Variants in AKAP6 observed in about 807,000 individuals in gnomAD.
AKAP6 encodes A-kinase anchor protein 6.
In AKAP6, 58 loss-of-function variants were observed where a neutral mutation model predicts 188.5. The ratio of observed to expected loss-of-function variants is 0.31; its 90% CI spans 0.25 to 0.38. AKAP6 has a LOEUF of 0.38. Among genes scored for constraint, AKAP6 ranks in the 10% least tolerant of loss-of-function variants. The probability of loss-of-function intolerance (pLI) is 1.00; values close to 1 mark genes in which losing one functional copy is unlikely to be tolerated. For missense variants in AKAP6, 2,710 were observed against 2,740.0 expected, an observed-to-expected ratio of 0.99 and a Z score of 0.24; for synonymous variants, 989 against 998.6, an observed-to-expected ratio of 0.99 and a Z score of 0.18.
chr14:32,769,389 C>G (rs1185777590), intron 11 of AKAP6, among the ~76,000 whole-genome samples: 1 of 151,960 alleles, frequency 6.6e-6, no homozygotes, highest in Non-Finnish European at 1.5e-5. Context: ...TGTGTTTGTT[C>G]ACACTTCCCT....
At chr14:32,811,506 C>A (rs1433828821) in intron 12 of AKAP6, among the ~76,000 whole-genome samples, 2 of 152,024 alleles carry the variant, frequency 1.3e-5, no homozygotes. Flanking sequence ...AAAATATGTT[C>A]CCATGGTTAG....
At chr14:32,657,208 T>C (rs1475359441) in intron 7 of AKAP6, among the ~76,000 whole-genome samples, 1 of 152,156 alleles carries the variant, frequency 6.6e-6, no homozygotes, top group African/African-American at 2.4e-5. Flanking sequence ...GGGTATGGCT[T>C]TGCAAACCCA....
chr14:32,537,218 A>G (rs1239912432), intron 3 of AKAP6, among the ~76,000 whole-genome samples: 6 of 152,228 alleles, frequency 3.9e-5, no homozygotes, highest in African/African-American at 1.4e-4. Context: ...ATCAAAATCG[A>G]CTAGGCTTAC....
At chr14:32,571,087 T>C (rs1884462030) in intron 4 of AKAP6, among the ~76,000 whole-genome samples, 1 of 152,176 alleles carries the variant, frequency 6.6e-6, no homozygotes, top group African/African-American at 2.4e-5. Flanking sequence ...ACTTAAATGA[T>C]CTACTTGTAC....
At chr14:32,743,032 T>C (rs1157871484) in intron 11 of AKAP6, among the ~76,000 whole-genome samples, 1 of 152,168 alleles carries the variant, frequency 6.6e-6, no homozygotes, top group African/African-American at 2.4e-5. Context: ...TAATATTTGC[T>C]TTATTGATCT....
intron 2 of AKAP6, among the ~76,000 whole-genome samples, chr14:32,524,338 T>C (rs180706226): frequency 2.0e-5 from 3 of 152,074 alleles, no homozygotes; most frequent in Admixed American, 1.3e-4. Context: ...AGTTCTGGGG[T>C]GGGGATGGCT....
intron 7 of AKAP6, among the ~76,000 whole-genome samples, chr14:32,657,738 T>C (rs1031344718): frequency 3.0e-4 from 46 of 152,044 alleles, no homozygotes; most frequent in African/African-American, 1.0e-3. Context: ...CATAATTTTA[T>C]CATGTCTTGG....
At chr14:32,794,170 G>A (rs1364795142) in intron 12 of AKAP6, among the ~76,000 whole-genome samples, 2 of 152,042 alleles carry the variant, frequency 1.3e-5, no homozygotes, top group African/African-American at 4.8e-5. Flanking sequence ...CCACAGCACT[G>A]TCAAATTGAG....
intron 9 of AKAP6, among the ~76,000 whole-genome samples, chr14:32,708,648 A>G (rs1890913496): frequency 1.3e-5 from 2 of 151,952 alleles, no homozygotes; most frequent in Admixed American, 1.3e-4. Context: ...TTTTTTACTT[A>G]GTGATTAATT....
intron 11 of AKAP6, among the ~76,000 whole-genome samples, chr14:32,747,008 A>G (rs974027943): frequency 5.3e-5 from 8 of 152,184 alleles, no homozygotes; most frequent in African/African-American, 1.9e-4. Flanking sequence ...AGTATCACTG[A>G]TTTACTTTTA....
At chr14:32,412,467 A>G (rs975518570) in intron 1 of AKAP6, among the ~76,000 whole-genome samples, 1 of 152,248 alleles carries the variant, frequency 6.6e-6, no homozygotes, top group Admixed American at 6.5e-5. Context: ...ATTTTGGTAC[A>G]TAATATTGAC....
intron 7 of AKAP6, among the ~76,000 whole-genome samples, chr14:32,643,622 C>T (rs1371039772): frequency 2.6e-5 from 4 of 152,072 alleles, no homozygotes; most frequent in African/African-American, 9.7e-5. Flanking sequence ...TTCTTTATCA[C>T]CTGCTTTTCT....
intron 7 of AKAP6, among the ~76,000 whole-genome samples, chr14:32,673,349 A>G (rs1889298168): frequency 6.6e-6 from 1 of 152,190 alleles, no homozygotes; most frequent in South Asian, 2.1e-4. Flanking sequence ...GTGCCTCAGG[A>G]GAAGTAACTA....
At chr14:32,421,616 G>A (rs750361255) in intron 1 of AKAP6, among the ~76,000 whole-genome samples, 1 of 151,748 alleles carries the variant, frequency 6.6e-6, no homozygotes, top group Non-Finnish European at 1.5e-5. Flanking sequence ...TGAGATTTTT[G>A]TTGCTTGCTG....
rs1268050986 is a variant in AKAP6, at chr14:32,836,424, G to C, written c.*6619G>C. Reference sequence around the variant, plus strand: ...TTCACAACTTAATCACCTCCCAAAGGCTCCATCTCTTAATACGATCACATT... The same window carrying C: ...TTCACAACTTAATCACCTCCCAAAGCCTCCATCTCTTAATACGATCACATT... On this transcript the variant is annotated 3_prime_UTR_variant, in exon 14 of 14. Coordinates refer to ENST00000280979, the MANE Select transcript of AKAP6 (RefSeq NM_004274.5). The C allele has an allele frequency of 6.6e-6, 1 of 152,028 alleles. No individual in the cohort carries two copies. The highest frequency in any genetic ancestry group is 1.5e-5 in the Non-Finnish European group (1 of 68,038). The allele number at this position is 152,028 out of a possible 1,614,324, so 9.4% of individuals were successfully genotyped here.
intron 11 of AKAP6, among the ~76,000 whole-genome samples, chr14:32,767,818 G>A (rs1196525754): frequency 1.3e-5 from 2 of 152,024 alleles, no homozygotes; most frequent in Non-Finnish European, 2.9e-5. Flanking sequence ...CCATAGTTTA[G>A]CATATATATC....
intron 7 of AKAP6, among the ~76,000 whole-genome samples, chr14:32,619,996 G>A (rs1886747265): frequency 6.6e-6 from 1 of 152,092 alleles, no homozygotes; most frequent in African/African-American, 2.4e-5. Context: ...CATTGTTGGT[G>A]TATAGTGGTG....
chr14:32,647,358 A>T (rs573779401), intron 7 of AKAP6, among the ~76,000 whole-genome samples: 8 of 152,152 alleles, frequency 5.3e-5, no homozygotes, highest in African/African-American at 1.9e-4. Context: ...CTCCTTAGGC[A>T]TTGTTTCCAT....
intron 9 of AKAP6, among the ~76,000 whole-genome samples, chr14:32,710,648 T>G (rs1891013279): frequency 6.6e-6 from 1 of 152,064 alleles, no homozygotes; most frequent in Non-Finnish European, 1.5e-5. Context: ...GCGTTTCTAA[T>G]GAATGAGGCT....
Sources: allele counts gnomAD v4.1 joint callset (sites outside exome capture counted in the v4.1 genomes callset), GRCh38; gene constraint gnomAD v4.1.1; transcripts MANE v1.5; gene names NCBI Gene and HGNC (gene_info 2026-07-23, HGNC 2026-07-21).